PEX5L: variants seen among roughly 807,000 people sequenced by gnomAD.
The protein encoded by PEX5L is PEX5-related protein.
A neutral mutation model predicts 84.0 loss-of-function variants in PEX5L; 30 were observed. The observed-to-expected ratio is 0.36, with a 90% CI of 0.27 to 0.48. The LOEUF (loss-of-function observed/expected upper bound fraction) is 0.48. Among genes scored for constraint, PEX5L ranks in the 20% least tolerant of loss-of-function variants. The probability of loss-of-function intolerance (pLI) is 0.99; values close to 1 mark genes in which losing one functional copy is unlikely to be tolerated. For missense variants in PEX5L, 533 were observed against 754.6 expected (o/e 0.71, Z 3.44); for synonymous variants, 270 against 283.1 (o/e 0.95, Z 0.46).
intron 2 of PEX5L, among the ~76,000 whole-genome samples, chr3:179,923,329 T>C (rs1021098423): frequency 6.7e-6 from 1 of 149,978 alleles, no homozygotes; most frequent in African/African-American, 2.5e-5. Context: ...AAGTGAATTC[T>C]TGATTATTCT....
chr3:180,018,770 G>C (rs1489923896), intron 1 of PEX5L, among the ~76,000 whole-genome samples: 1 of 152,192 alleles, frequency 6.6e-6, no homozygotes, highest in Non-Finnish European at 1.5e-5. Context: ...AGGCCTGCCT[G>C]TCTTACTGGG....
In PEX5L at chr3:180,036,721, C is replaced by T; in HGVS notation, c.-122G>A. The T allele has an allele frequency of 9.6e-7, 1 of 1,042,328 alleles. No individual in the cohort carries two copies. The highest frequency in any genetic ancestry group is 1.7e-5 in the Admixed American group (1 of 58,000). The allele number at this position is 1,042,328 out of a possible 1,614,324, so 64.6% of individuals were successfully genotyped here. On this transcript the variant is annotated 5_prime_UTR_variant, in exon 1 of 15. Coordinates refer to ENST00000467460, the MANE Select transcript of PEX5L (RefSeq NM_016559.3). ...GGGTTCTCAGAGGGTGCTCCTGAGC[C>T]CCCTGGAGCTCCGGGTACTCGGCCG...
At chr3:179,988,314 T>A (rs1243173743) in intron 1 of PEX5L, among the ~76,000 whole-genome samples, 2 of 151,730 alleles carry the variant, frequency 1.3e-5, no homozygotes, top group Non-Finnish European at 2.9e-5. Context: ...GGCAGGAGAA[T>A]CGCTTGAACC....
At chr3:179,818,266 T>C (rs1726947417) in intron 9 of PEX5L, among the ~76,000 whole-genome samples, 1 of 151,910 alleles carries the variant, frequency 6.6e-6, no homozygotes, top group Non-Finnish European at 1.5e-5. Flanking sequence ...TTTATTCTTT[T>C]AATTAATTAA....
intron 5 of PEX5L, among the ~76,000 whole-genome samples, chr3:179,876,451 T>A (rs1038542141): frequency 6.6e-6 from 1 of 151,488 alleles, no homozygotes; most frequent in South Asian, 2.1e-4. Context: ...GGGCCCAGAT[T>A]GCGCCTCTGC....
chr3:179,900,981 G>T (rs1761126979), intron 2 of PEX5L, among the ~76,000 whole-genome samples: 1 of 152,072 alleles, frequency 6.6e-6, no homozygotes, highest in Non-Finnish European at 1.5e-5. Flanking sequence ...AAATCAAATT[G>T]CCTCCTCCAC....
chr3:179,887,666 G>A lies in PEX5L; in HGVS notation c.310+7C>T. The A allele has an allele frequency of 2.6e-6, 4 of 1,547,132 alleles. No individual in the cohort carries two copies. The highest frequency in any genetic ancestry group is 3.6e-6 in the Non-Finnish European group (4 of 1,119,226). On this transcript the variant is annotated splice_region_variant and intron_variant, in intron 4 of 14. Transcript: ENST00000467460. The stretch of plus-strand genomic sequence containing the variant: ...AGTTGAGGAACAGTTAAAAGTGAGA[G>A]AATTACCAGCTGTATTGGATGTTAC...
intron 14 of PEX5L, chr3:179,804,035 C>A (rs1050536692): frequency 1.3e-5 from 2 of 152,174 alleles, no homozygotes; most frequent in Non-Finnish European, 2.9e-5. Flanking sequence ...AGACCCAGAC[C>A]TGCAAGAACT....
chr3:179,797,377 G>A lies in PEX5L; in HGVS notation c.*4451C>T, dbSNP rs1429228639. The A allele has an allele frequency of 6.6e-6, 1 of 152,016 alleles. No homozygotes were observed. The highest frequency in any genetic ancestry group is 1.9e-4 in the East Asian group (1 of 5,194). The allele number at this position is 152,016 out of a possible 1,614,324, so 9.4% of individuals were successfully genotyped here. A position where few individuals can be genotyped will look rare whatever the true frequency, so the allele number is the denominator to read the frequency against. On this transcript the variant is annotated 3_prime_UTR_variant, in exon 15 of 15. Transcript: ENST00000467460. ...CATAAAAATGCTCCCTTGTATAGAG[G>A]CAAGGAACAACAGGCTAACCTATGA...
intron 1 of PEX5L, among the ~76,000 whole-genome samples, chr3:180,023,335 T>C (rs1019541762): frequency 6.6e-6 from 1 of 152,170 alleles, no homozygotes; most frequent in Non-Finnish European, 1.5e-5. Flanking sequence ...CAGTATTATA[T>C]CACAAATAAG....
chr3:179,831,739 C>T (rs779282431), intron 8 of PEX5L, among the ~76,000 whole-genome samples: 1 of 152,112 alleles, frequency 6.6e-6, no homozygotes, highest in Non-Finnish European at 1.5e-5. Flanking sequence ...TAAGGTTGAA[C>T]AAATGTCAGC....
chr3:179,848,340 C>A (rs1195349250), intron 8 of PEX5L, among the ~76,000 whole-genome samples: 1 of 151,976 alleles, frequency 6.6e-6, no homozygotes, highest in Non-Finnish European at 1.5e-5. Context: ...CACTTGAGCT[C>A]AGGAGTTCAA....
Position 179,887,797 on chromosome 3 carries a change from G to T in PEX5L, c.199-13C>A. On this transcript the variant is annotated splice_polypyrimidine_tract_variant and intron_variant, in intron 3 of 14. Transcript: ENST00000467460. The stretch of plus-strand genomic sequence containing the variant: ...GCTCATTCACCAGCTGAGAACAAAT[G>T]AACAGAGGTGTCAAAGGGCTTTGTT... The T allele has an allele frequency of 6.4e-7, 1 of 1,560,362 alleles. No homozygotes were observed. The highest frequency in any genetic ancestry group is 8.8e-7 in the Non-Finnish European group (1 of 1,131,562).
intron 2 of PEX5L, among the ~76,000 whole-genome samples, chr3:179,932,639 A>C (rs1181211016): frequency 5.3e-5 from 8 of 152,342 alleles, no homozygotes; most frequent in African/African-American, 1.9e-4. Context: ...AATTGGAAAA[A>C]TAAAAGTTAA....
chr3:180,004,639 A>T (rs1788712915), intron 1 of PEX5L, among the ~76,000 whole-genome samples: 1 of 152,120 alleles, frequency 6.6e-6, no homozygotes. Context: ...TTGCTATATA[A>T]ATCAGAGCTA....
Position 179,874,333 on chromosome 3 carries a change from C to T in PEX5L, c.720G>A (p.Pro240=), listed in dbSNP as rs772646436. 67 of 1,593,618 alleles carry T rather than the reference C, an allele frequency of 4.2e-5. No individual in the cohort carries two copies. The highest frequency in any genetic ancestry group is 4.7e-5 in the Non-Finnish European group (55 of 1,162,062). ...ESASELELVA[P]TQARLTKEHR... ...GAATAATCAGTTTTGTTACCTGAGT[C>T]GGAGCCACTAATTCCAATTCTGAAG... Residue 240 remains proline, a synonymous_variant, in exon 7 of 15, where the codon CCG becomes CCA. Transcript: ENST00000467460.
chr3:179,797,147 ATTTG>A lies in PEX5L; in HGVS notation c.*4677_*4680del, dbSNP rs1057510380. On this transcript the variant is annotated 3_prime_UTR_variant, in exon 15 of 15. Coordinates refer to ENST00000467460, the MANE Select transcript of PEX5L (RefSeq NM_016559.3). The stretch of plus-strand genomic sequence containing the variant: ...AGTTTAGTAGCATTCAGACACTTGG[ATTTG>A]TTTAAGTTTGGGATCTGTTGTGCCT... 3.3e-5 allele frequency: 5 copies of A among 152,172 alleles called. No homozygotes were observed. The highest frequency in any genetic ancestry group is 9.6e-5 in the African/African-American group (4 of 41,452). 9.4% of individuals were successfully genotyped at this position (152,172 alleles called of 1,614,324 possible).
intron 2 of PEX5L, among the ~76,000 whole-genome samples, chr3:179,964,485 A>G (rs979818526): frequency 5.9e-5 from 9 of 152,222 alleles, no homozygotes; most frequent in Non-Finnish European, 1.3e-4. Flanking sequence ...GCACAGCAAA[A>G]GAAACTGTCA....
intron 1 of PEX5L, among the ~76,000 whole-genome samples, chr3:179,988,126 A>G (rs992507452): frequency 6.6e-6 from 1 of 152,146 alleles, no homozygotes; most frequent in Non-Finnish European, 1.5e-5. Context: ...AGGGCTGGGC[A>G]TGGTGGCTCA....
Sources: gnomAD v4.1 joint callset for allele counts (sites outside exome capture counted in the v4.1 genomes callset) on GRCh38, gnomAD v4.1.1 for gene constraint, MANE v1.5 for transcripts, NCBI Gene and HGNC (gene_info 2026-07-23, HGNC 2026-07-21) for gene names.